The following GOLPH3 variants were observed in gnomAD, a reference collection of about 807,000 sequenced individuals.
GOLPH3 encodes the protein golgi phosphoprotein 3.
A neutral mutation model predicts 28.5 loss-of-function variants in GOLPH3; 14 were observed. The ratio of observed to expected loss-of-function variants is 0.49; its 90% CI spans 0.32 to 0.77. The LOEUF (loss-of-function observed/expected upper bound fraction) is 0.77. GOLPH3 is among the 30% of genes least tolerant of loss of function. The pLI, the probability that GOLPH3 is intolerant of heterozygous loss-of-function variation, is 0.03. For missense variants in GOLPH3, 350 were observed against 393.7 expected (o/e 0.89, Z 0.94); for synonymous variants, 158 against 159.2 (o/e 0.99, Z 0.06).
chr5:32,148,972 T>C (rs1052215957), intron 1 of GOLPH3, among the ~76,000 whole-genome samples: 12 of 151,482 alleles, frequency 7.9e-5, no homozygotes, highest in African/African-American at 2.7e-4. Flanking sequence ...CGAAACTCCA[T>C]CTCAAAAAAA....
intron 2 of GOLPH3, among the ~76,000 whole-genome samples, chr5:32,141,619 C>T (rs1295004137): frequency 1.3e-5 from 2 of 150,888 alleles, no homozygotes. Flanking sequence ...TCCCTCCTCT[C>T]CCTCTCTTTC....
At chr5:32,164,537 G>A (rs1177720001) in intron 1 of GOLPH3, among the ~76,000 whole-genome samples, 1 of 151,980 alleles carries the variant, frequency 6.6e-6, no homozygotes, top group Non-Finnish European at 1.5e-5. Flanking sequence ...GGGACTACAG[G>A]AGCCCGCCAG....
At chr5:32,163,671 TATATA>T (rs1561683727) in intron 1 of GOLPH3, among the ~76,000 whole-genome samples, 1 of 90,038 alleles carries the variant, frequency 1.1e-5, no homozygotes, top group African/African-American at 4.1e-5. Context: ...TACATATATA[TATATA>T]TTTTTTTTCT....
intron 1 of GOLPH3, among the ~76,000 whole-genome samples, chr5:32,170,754 T>C (rs958695267): frequency 1.3e-5 from 2 of 151,942 alleles, no homozygotes; most frequent in Non-Finnish European, 2.9e-5. Flanking sequence ...GGGCAACATC[T>C]TGAGACCTCC....
intron 3 of GOLPH3, among the ~76,000 whole-genome samples, chr5:32,128,800 A>G (rs1013497653): frequency 1.3e-5 from 2 of 150,364 alleles, no homozygotes; most frequent in African/African-American, 5.0e-5. Context: ...CCAGCATCGA[A>G]GTTAAAAAAA....
At position 32,129,011 on chromosome 5, in the gene GOLPH3, G is replaced by A. The variant is rs542443292; in HGVS notation, c.473-2375C>T. Among the ~76,000 whole-genome samples, 12 of 152,100 alleles carry A rather than the reference G, an allele frequency of 7.9e-5. No homozygotes were observed. The East Asian group carries it at 2.1e-3, about 27-fold the overall frequency. ...TGGGAAGCCAAGATGGTGAAACCCTGTCTCTACTAAAAATACAAAAATTAG... is the reference window on the plus strand; with the variant it reads ...TGGGAAGCCAAGATGGTGAAACCCTATCTCTACTAAAAATACAAAAATTAG... On this transcript the variant is annotated intron_variant, in intron 3 of 3. Transcript: ENST00000265070.
intron 1 of GOLPH3, among the ~76,000 whole-genome samples, chr5:32,169,995 C>G (rs1402110507): frequency 6.6e-6 from 1 of 151,580 alleles, no homozygotes; most frequent in Non-Finnish European, 1.5e-5. Flanking sequence ...ACTTTAGACT[C>G]ACTCCTAACA....
intron 3 of GOLPH3, among the ~76,000 whole-genome samples, chr5:32,134,497 C>A (rs1745890589): frequency 6.6e-6 from 1 of 150,828 alleles, no homozygotes; most frequent in South Asian, 2.1e-4. Context: ...TAATGAGCCA[C>A]CATGCCTGGC....
rs771083725 is a variant in GOLPH3, at chr5:32,126,295, G to A, written c.814C>T (p.Leu272Phe). 1.2e-6 allele frequency: 2 copies of A among 1,614,188 alleles called. No homozygotes were observed. Among genetic ancestry groups the A allele is most frequent in the Admixed American group, 1.7e-5 (1 of 60,032 alleles). Residue 272 changes from leucine (L) to phenylalanine (F), a missense_variant, in exon 4 of 4, where the codon CTC becomes TTC. Coordinates refer to ENST00000265070, the MANE Select transcript of GOLPH3 (RefSeq NM_022130.4). ...CATTCCACTTCAGGGTCTAAGTCGA[G>A]AAGCTGCCGCACTCTCTTGGTAGCC... ...DLATKRVRQL[L>F]DLDPEVECLK...
intron 2 of GOLPH3, among the ~76,000 whole-genome samples, chr5:32,137,860 T>C (rs1371042580): frequency 6.6e-6 from 1 of 152,028 alleles, no homozygotes; most frequent in Non-Finnish European, 1.5e-5. Flanking sequence ...TATTATTTTA[T>C]AATGTTAGCT....
chr5:32,128,794 C>T (rs1378647820), intron 3 of GOLPH3, among the ~76,000 whole-genome samples: 1 of 149,894 alleles, frequency 6.7e-6, no homozygotes, highest in Non-Finnish European at 1.5e-5. Flanking sequence ...CACTGTCCAG[C>T]ATCGAAGTTA....
rs138559681 is a variant in GOLPH3, at chr5:32,141,635, T to C, written c.357+2114A>G. Among the ~76,000 whole-genome samples the C allele has an allele frequency of 2.1e-3, 314 of 151,992 alleles. 2 individuals are homozygous for C. In the Middle Eastern group the frequency reaches 0.024, roughly 12 times the overall value. On this transcript the variant is annotated intron_variant, in intron 2 of 3. Transcript: ENST00000265070. ...CCCTCCTCTCCCTCTCTTTCCACGGTCTCCCTCTGATGCCGAGCCAAAGCT... is the reference window on the plus strand; with the variant it reads ...CCCTCCTCTCCCTCTCTTTCCACGGCCTCCCTCTGATGCCGAGCCAAAGCT...
At chr5:32,127,141 G>C (rs780818306) in intron 3 of GOLPH3, among the ~76,000 whole-genome samples, 1 of 152,106 alleles carries the variant, frequency 6.6e-6, no homozygotes, top group Non-Finnish European at 1.5e-5. Flanking sequence ...ATTCTGGAAG[G>C]ATACAAATTT....
Position 32,125,118 on chromosome 5 carries a change from C to T in GOLPH3, c.*1094G>A, listed in dbSNP as rs1214644227. 1 of 152,598 alleles carries T rather than the reference C, an allele frequency of 6.6e-6. No individual in the cohort carries two copies. Among genetic ancestry groups the T allele is most frequent in the African/African-American group, 2.4e-5 (1 of 41,440 alleles). 9.5% of individuals were successfully genotyped at this position (152,598 alleles called of 1,614,324 possible). A position where few individuals can be genotyped will look rare whatever the true frequency, so the allele number is the denominator to read the frequency against. On this transcript the variant is annotated 3_prime_UTR_variant, in exon 4 of 4. Coordinates refer to ENST00000265070, the MANE Select transcript of GOLPH3 (RefSeq NM_022130.4). ...TTAATCCTCTGGGTTGTAATCATTA[C>T]TTGCTACCAATTTACATGCAACATC...
intron 3 of GOLPH3, among the ~76,000 whole-genome samples, chr5:32,129,518 G>C (rs1179719664): frequency 6.6e-6 from 1 of 152,086 alleles, no homozygotes; most frequent in African/African-American, 2.4e-5. Flanking sequence ...TTAAAATCAA[G>C]TGAAAATAAC....
At chr5:32,170,872 C>T (rs1746817534) in intron 1 of GOLPH3, among the ~76,000 whole-genome samples, 1 of 152,024 alleles carries the variant, frequency 6.6e-6, no homozygotes, top group South Asian at 2.1e-4. Flanking sequence ...GTCTCAACCC[C>T]ACCCCTCAAC....
rs545100271 is a variant in GOLPH3, at chr5:32,126,114, T to C, written c.*98A>G. On this transcript the variant is annotated 3_prime_UTR_variant, in exon 4 of 4. Transcript: ENST00000265070. Reference sequence around the variant, plus strand: ...CATTTTGTAAAACAGAAGCCAATTATAGTGTGGGAAAGTACAAATTACAGA... The same window carrying C: ...CATTTTGTAAAACAGAAGCCAATTACAGTGTGGGAAAGTACAAATTACAGA... 1.4e-5 allele frequency: 17 copies of C among 1,243,234 alleles called. No individual in the cohort carries two copies. Among genetic ancestry groups the C allele is most frequent in the African/African-American group, 3.0e-5 (2 of 66,216 alleles). 77.0% of individuals were successfully genotyped at this position (1,243,234 alleles called of 1,614,324 possible).
chr5:32,143,724 G>C (rs763617976), intron 2 of GOLPH3, 25 bp downstream of exon 2: 1 of 1,585,174 alleles, frequency 6.3e-7, no homozygotes, highest in South Asian at 1.2e-5. Flanking sequence ...TCTTTAAAAA[G>C]AATGTTACTC....
At position 32,125,808 on chromosome 5, in the gene GOLPH3, G is replaced by A. The variant is rs1056157973; in HGVS notation, c.*404C>T. ...AGATATTTACCTTTGGTGAGTTGAA[G>A]GCCTTTTTGTGACTTCTGTCTGAAC... is the stretch of plus-strand genomic sequence containing the variant. On this transcript the variant is annotated 3_prime_UTR_variant, in exon 4 of 4. Coordinates refer to ENST00000265070, the MANE Select transcript of GOLPH3 (RefSeq NM_022130.4). The A allele has an allele frequency of 5.4e-5, 9 of 165,836 alleles. No individual in the cohort carries two copies. Among genetic ancestry groups the A allele is most frequent in the African/African-American group, 2.2e-4 (9 of 41,812 alleles). 10.3% of individuals were successfully genotyped at this position (165,836 alleles called of 1,614,324 possible). A position where few individuals can be genotyped will look rare whatever the true frequency, so the allele number is the denominator to read the frequency against.
Sources: gnomAD v4.1 joint callset for allele counts (sites outside exome capture counted in the v4.1 genomes callset) on GRCh38, gnomAD v4.1.1 for gene constraint, MANE v1.5 for transcripts, NCBI Gene and HGNC (gene_info 2026-07-23, HGNC 2026-07-21) for gene names.